The following PVT1 variants were observed in gnomAD, a reference collection of about 807,000 sequenced individuals.
PVT1 encodes the protein CXCR4/PVT1 fusion.
At chr8:127,930,191 C>G (rs1816186945) in intron 3 of PVT1, among the ~76,000 whole-genome samples, 1 of 152,160 alleles carries the variant, frequency 6.6e-6, no homozygotes, top group African/African-American at 2.4e-5. Context: ...GAGTCTCACT[C>G]TGTTGCTCAG....
intron 4 of PVT1, among the ~76,000 whole-genome samples, chr8:128,052,934 C>A (rs1470439612): frequency 6.6e-6 from 1 of 152,242 alleles, no homozygotes; most frequent in African/African-American, 2.4e-5. Context: ...GGATTTTAAA[C>A]CTCACAGTGG....
chr8:127,978,529 G>A (rs1816847932), intron 3 of PVT1, among the ~76,000 whole-genome samples: 1 of 152,012 alleles, frequency 6.6e-6, no homozygotes, highest in African/African-American at 2.4e-5. Context: ...TGCCCAGGCT[G>A]GAGTGCAGAG....
intron 2 of PVT1, among the ~76,000 whole-genome samples, chr8:127,804,683 C>A (rs1381303378): frequency 6.7e-6 from 1 of 149,560 alleles, no homozygotes; most frequent in Non-Finnish European, 1.5e-5. Context: ...GGGATGCCAC[C>A]GTGCCCGGCT....
chr8:127,903,509 C>A (rs548748292), intron 3 of PVT1, among the ~76,000 whole-genome samples: 1 of 152,198 alleles, frequency 6.6e-6, no homozygotes, highest in East Asian at 1.9e-4. Flanking sequence ...CCTGTCAAGG[C>A]CTATATTGAG....
Position 127,893,906 on chromosome 8 carries a change from T to C in PVT1, n.782+2908T>C, listed in dbSNP as rs370251017. Among the ~76,000 whole-genome samples, 21 of 152,258 alleles carry C rather than the reference T, an allele frequency of 1.4e-4. No homozygotes were observed. In the South Asian group the frequency reaches 4.4e-3, roughly 32 times the overall value. The stretch of plus-strand genomic sequence containing the variant: ...GCACACTCATCAGTTAGATGGTGGG[T>C]GCTGGTGCTGCTGGTGCATCATGCA... On this transcript the variant is annotated intron_variant and non_coding_transcript_variant, in intron 3 of 10. Coordinates refer to ENST00000651587, the Ensembl canonical transcript of PVT1.
chr8:127,941,606 T>C (rs1253993066), intron 3 of PVT1, among the ~76,000 whole-genome samples: 1 of 152,282 alleles, frequency 6.6e-6, no homozygotes, highest in East Asian at 1.9e-4. Flanking sequence ...GTCATTACTC[T>C]AGTGGTAGAA....
chr8:128,068,172 T>C (rs942314062), intron 4 of PVT1, among the ~76,000 whole-genome samples: 3 of 151,812 alleles, frequency 2.0e-5, no homozygotes, highest in Admixed American at 2.0e-4. Flanking sequence ...TGTTTTGCAG[T>C]TTTTTACACA....
chr8:127,896,781 C>G (rs907407058), intron 3 of PVT1, among the ~76,000 whole-genome samples: 172 of 92,792 alleles, frequency 1.9e-3, no homozygotes, highest in Middle Eastern at 6.0e-3. Context: ...TCCTCCCCCC[C>G]CCCGCCCCCG....
chr8:127,828,268 T>C (rs2129692592), intron 2 of PVT1, among the ~76,000 whole-genome samples: 1 of 152,264 alleles, frequency 6.6e-6, no homozygotes, highest in Admixed American at 6.5e-5. Context: ...GTTGTACAGG[T>C]GAGGGAAACT....
rs181109323 is a variant in PVT1 at position 128,060,052 on chromosome 8, C to G, written n.913-10108C>G. ...CGGGTGGATCACAAGGTCAGGAGAT[C>G]GAGACCATCCTGGCTAACATGGTGA... On this transcript the variant is annotated intron_variant and non_coding_transcript_variant, in intron 4 of 10. Transcript: ENST00000651587. Among the ~76,000 whole-genome samples the G allele has an allele frequency of 8.3e-3, 1,263 of 152,118 alleles. 10 individuals carry two copies. The highest frequency in any genetic ancestry group is 0.012 in the Non-Finnish European group (805 of 67,992).
chr8:127,835,594 C>T (rs558976099), intron 2 of PVT1, among the ~76,000 whole-genome samples: 26 of 152,218 alleles, frequency 1.7e-4, no homozygotes, highest in African/African-American at 6.0e-4. Flanking sequence ...GTACATGTAT[C>T]CCAGAACTTA....
At chr8:127,859,927 T>C (rs1443590353) in intron 2 of PVT1, among the ~76,000 whole-genome samples, 1 of 151,970 alleles carries the variant, frequency 6.6e-6, no homozygotes, top group African/African-American at 2.4e-5. Context: ...GGGAGATCAC[T>C]TTCTCTTCCC....
chr8:127,817,354 C>CAT (rs897177157), intron 2 of PVT1, among the ~76,000 whole-genome samples: 16 of 127,064 alleles, frequency 1.3e-4, no homozygotes, highest in South Asian at 4.8e-4. Context: ...GAGTCTGTTA[C>CAT]ATATATATAT....
chr8:128,006,221 A>G (rs367871927), intron 4 of PVT1, among the ~76,000 whole-genome samples: 1 of 151,574 alleles, frequency 6.6e-6, no homozygotes, highest in African/African-American at 2.4e-5. Flanking sequence ...CAGCAATCCC[A>G]CTTCTCGGAG....
chr8:128,050,125 A>G (rs898270348), intron 4 of PVT1, among the ~76,000 whole-genome samples: 26 of 152,204 alleles, frequency 1.7e-4, no homozygotes, highest in Non-Finnish European at 3.5e-4. Flanking sequence ...TCTTGCAATC[A>G]TAAGAAGAGG....
chr8:127,860,658 G>T (rs761806199), intron 2 of PVT1, among the ~76,000 whole-genome samples: 1 of 151,776 alleles, frequency 6.6e-6, no homozygotes, highest in East Asian at 1.9e-4. Flanking sequence ...CCAGCTACTC[G>T]GAAGGCTGAG....
intron 2 of PVT1, among the ~76,000 whole-genome samples, chr8:127,833,391 G>A (rs146649420): frequency 5.3e-5 from 8 of 152,080 alleles, no homozygotes; most frequent in South Asian, 2.1e-4. Flanking sequence ...TCTTGGCCTC[G>A]CCCGGTCCTA....
chr8:128,038,747 T>C (rs2130083524), intron 4 of PVT1, among the ~76,000 whole-genome samples: 1 of 152,220 alleles, frequency 6.6e-6, no homozygotes, highest in Admixed American at 6.5e-5. Flanking sequence ...TGAGAGGGAT[T>C]CTGAGAAGTG....
intron 2 of PVT1, among the ~76,000 whole-genome samples, chr8:127,801,833 T>C (rs1052255982): frequency 2.0e-5 from 3 of 152,216 alleles, no homozygotes; most frequent in Non-Finnish European, 4.4e-5. Context: ...TGATATGTAC[T>C]GTGTGTTAAA....
Sources: allele counts gnomAD v4.1 joint callset (sites outside exome capture counted in the v4.1 genomes callset), GRCh38; gene constraint gnomAD v4.1.1; transcripts MANE v1.5; gene names NCBI Gene and HGNC (gene_info 2026-07-23, HGNC 2026-07-21).